Variants in TRABD2B observed in about 807,000 individuals in gnomAD.
TRABD2B encodes TraB domain containing 2B, also known as metalloprotease TIKI2.
A neutral mutation model predicts 40.1 loss-of-function variants in TRABD2B; 14 were observed. The ratio of observed to expected loss-of-function variants is 0.35; its 90% CI spans 0.23 to 0.55. The LOEUF (loss-of-function observed/expected upper bound fraction) is 0.55, where lower values mean the gene tolerates loss of function less well. Among genes scored for constraint, TRABD2B ranks in the 20% least tolerant of loss-of-function variants. The probability of loss-of-function intolerance (pLI) is 0.90; values close to 1 mark genes in which losing one functional copy is unlikely to be tolerated. For missense variants in TRABD2B, 541 were observed against 648.6 expected, an observed-to-expected ratio of 0.83 and a Z score of 1.80; for synonymous variants, 263 against 277.0, an observed-to-expected ratio of 0.95 and a Z score of 0.50.
At chr1:47,986,755 G>A (rs551100682) in intron 2 of TRABD2B, among the ~76,000 whole-genome samples, 1 of 152,140 alleles carries the variant, frequency 6.6e-6, no homozygotes, top group African/African-American at 2.4e-5. Context: ...CAGAAGCAAC[G>A]GCGTTTCCAA....
At chr1:47,921,212 G>C (rs1239400073) in intron 2 of TRABD2B, among the ~76,000 whole-genome samples, 1 of 152,174 alleles carries the variant, frequency 6.6e-6, no homozygotes, top group Non-Finnish European at 1.5e-5. Context: ...GGAATGACAG[G>C]TCACGGTAGA....
At chr1:47,805,158 C>T (rs956099499) in intron 2 of TRABD2B, among the ~76,000 whole-genome samples, 1 of 152,150 alleles carries the variant, frequency 6.6e-6, no homozygotes, top group African/African-American at 2.4e-5. Flanking sequence ...CAACTCTTAA[C>T]TCCTGGTCCA....
At chr1:47,980,514 A>G (rs1645826156) in intron 2 of TRABD2B, among the ~76,000 whole-genome samples, 1 of 152,210 alleles carries the variant, frequency 6.6e-6, no homozygotes, top group African/African-American at 2.4e-5. Flanking sequence ...ACACTAACAC[A>G]GTAGATTGAA....
intron 4 of TRABD2B, among the ~76,000 whole-genome samples, chr1:47,785,268 G>A (rs1557564987): frequency 6.6e-6 from 1 of 152,178 alleles, no homozygotes; most frequent in Non-Finnish European, 1.5e-5. Context: ...CACTCTCCCA[G>A]GCAACTGTCC....
rs542610298 is a variant in TRABD2B at position 47,810,645 on chromosome 1, C to G, written c.667-9026G>C. Reference sequence around the variant, plus strand: ...GAGATGAGTTCCAAAGAAGTAATTTCAGCTGAAAGAGTGACTGAAGAGCAG... The same window carrying G: ...GAGATGAGTTCCAAAGAAGTAATTTGAGCTGAAAGAGTGACTGAAGAGCAG... On this transcript the variant is annotated intron_variant, in intron 2 of 6. Coordinates refer to ENST00000606738, the MANE Select transcript of TRABD2B (RefSeq NM_001194986.2). Among the ~76,000 whole-genome samples, 11 of 152,316 alleles carry G rather than the reference C, an allele frequency of 7.2e-5. No homozygotes were observed. In the South Asian group the frequency reaches 2.3e-3, roughly 32 times the overall value.
At position 47,993,801 on chromosome 1, in the gene TRABD2B, C is replaced by T. The variant is rs537230875; in HGVS notation, c.666+233G>A. Among the ~76,000 whole-genome samples, 7 of 152,292 alleles carry T rather than the reference C, an allele frequency of 4.6e-5. No homozygotes were observed. In the South Asian group the frequency reaches 8.3e-4, roughly 18 times the overall value. On this transcript the variant is annotated intron_variant, in intron 2 of 6. Transcript: ENST00000606738. ...TGTACATCCCCAACATGTAATACTG[C>T]TGAAATAGAAGCAAACACGCAGACT...
At chr1:47,778,985 AC>A (rs1463579412) in intron 4 of TRABD2B, among the ~76,000 whole-genome samples, 1 of 151,988 alleles carries the variant, frequency 6.6e-6, no homozygotes, top group Admixed American at 6.6e-5. Context: ...GCTCCAGGGA[AC>A]CCTCAAGCCC....
chr1:47,888,668 C>T (rs1347944266), intron 2 of TRABD2B, among the ~76,000 whole-genome samples: 1 of 152,196 alleles, frequency 6.6e-6, no homozygotes, highest in Non-Finnish European at 1.5e-5. Context: ...ATTCAACTGC[C>T]TTCCCCTAGC....
intron 2 of TRABD2B, among the ~76,000 whole-genome samples, chr1:47,967,173 C>A (rs758908193): frequency 1.3e-5 from 2 of 152,248 alleles, no homozygotes; most frequent in South Asian, 4.2e-4. Context: ...TTAGCAAGTT[C>A]TTCCTACTGA....
chr1:47,877,547 ATC>A (rs1394587502), intron 2 of TRABD2B, among the ~76,000 whole-genome samples: 1 of 152,190 alleles, frequency 6.6e-6, no homozygotes, highest in Admixed American at 6.5e-5. Flanking sequence ...GCATCTCGCC[ATC>A]TCTATTAAAA....
At chr1:47,884,285 A>G (rs1253647041) in intron 2 of TRABD2B, among the ~76,000 whole-genome samples, 1 of 152,046 alleles carries the variant, frequency 6.6e-6, no homozygotes, top group African/African-American at 2.4e-5. Flanking sequence ...AGCTTTAAGA[A>G]CCAGTGTGGA....
chr1:47,982,131 T>C (rs1645849554), intron 2 of TRABD2B, among the ~76,000 whole-genome samples: 1 of 152,168 alleles, frequency 6.6e-6, no homozygotes, highest in Non-Finnish European at 1.5e-5. Flanking sequence ...ATGCTCTGGG[T>C]GGTCCAACCA....
chr1:47,924,068 A>T (rs975905240), intron 2 of TRABD2B, among the ~76,000 whole-genome samples: 1 of 151,842 alleles, frequency 6.6e-6, no homozygotes, highest in Non-Finnish European at 1.5e-5. Context: ...CTTCAGTATC[A>T]CTCAAAGGGG....
Position 47,899,030 on chromosome 1 carries a change from C to A in TRABD2B, c.666+95004G>T, listed in dbSNP as rs184880109. Among the ~76,000 whole-genome samples, 131 of 152,348 alleles carry A rather than the reference C, an allele frequency of 8.6e-4. 2 individuals carry two copies. Among genetic ancestry groups the A allele is most frequent in the African/African-American group, 2.4e-3 (98 of 41,586 alleles). ...TTTGCTGTTGGAGAAGGCCTTACAT[C>A]CATATTTTTCCTCAGCAAGTGCCCA... On this transcript the variant is annotated intron_variant, in intron 2 of 6. Transcript: ENST00000606738.
intron 4 of TRABD2B, among the ~76,000 whole-genome samples, chr1:47,790,279 C>T (rs1202204107): frequency 6.6e-6 from 1 of 152,194 alleles, no homozygotes; most frequent in East Asian, 1.9e-4. Flanking sequence ...AGGAGCTCAG[C>T]AGACAGAAAA....
rs75116626 is a variant in TRABD2B at position 47,813,710 on chromosome 1, A to T, written c.667-12091T>A. Among the ~76,000 whole-genome samples, 1 of 152,118 alleles carries T rather than the reference A, an allele frequency of 6.6e-6. No homozygotes were observed. The highest frequency in any genetic ancestry group is 1.5e-5 in the Non-Finnish European group (1 of 68,018). On this transcript the variant is annotated intron_variant, in intron 2 of 6. Coordinates refer to ENST00000606738, the MANE Select transcript of TRABD2B (RefSeq NM_001194986.2). The surrounding 1 kb of genome is among the most constrained non-coding windows in gnomAD (Gnocchi z 4.3). ...GACACATACCCACACCCACACACAC[A>T]CTTTAAGAAATTTCTGTTCCCTAAG...
intron 2 of TRABD2B, among the ~76,000 whole-genome samples, chr1:47,877,446 C>T (rs1644241412): frequency 6.6e-6 from 1 of 152,058 alleles, no homozygotes; most frequent in East Asian, 1.9e-4. Context: ...TCCCTTACTT[C>T]CCTCCCTCCC....
intron 4 of TRABD2B, among the ~76,000 whole-genome samples, chr1:47,786,854 C>T (rs1644602274): frequency 6.6e-6 from 1 of 152,102 alleles, no homozygotes; most frequent in Non-Finnish European, 1.5e-5. Flanking sequence ...CATGCATCAC[C>T]ATGACTATGA....
At chr1:47,891,973 A>G (rs143917481) in intron 2 of TRABD2B, among the ~76,000 whole-genome samples, 1 of 152,344 alleles carries the variant, frequency 6.6e-6, no homozygotes, top group Non-Finnish European at 1.5e-5. Flanking sequence ...CTTAGGCCAC[A>G]TTAGGATTTA....
Sources: allele counts gnomAD v4.1 joint callset (sites outside exome capture counted in the v4.1 genomes callset), GRCh38; gene constraint gnomAD v4.1.1; non-coding constraint Gnocchi (gnomAD v3.1); transcripts MANE v1.5; gene names NCBI Gene and HGNC (gene_info 2026-07-23, HGNC 2026-07-21).